Variants in SLC12A1 observed in about 807,000 individuals in gnomAD.
SLC12A1 encodes the protein solute carrier family 12 member 1.
Under a neutral mutation model 130.4 loss-of-function variants are expected in SLC12A1, and 89 were observed. The observed-to-expected ratio is 0.68, with a 90% CI of 0.58 to 0.81. The LOEUF is 0.81. Ranked by LOEUF, SLC12A1 falls within the 40% of genes least tolerant of loss-of-function variation. SLC12A1 has a pLI of 0.00. For missense variants in SLC12A1, 1,310 were observed against 1,336.4 expected (o/e 0.98, Z 0.31); for synonymous variants, 499 against 460.0 (o/e 1.08, Z -1.09).
At chr15:48,235,229 G>A in intron 9 of SLC12A1, 7 of 584,060 alleles carry the variant, frequency 1.2e-5, no homozygotes, top group Non-Finnish European at 1.8e-5. Context: ...CAGAAGAACA[G>A]GGTAGTGTGA....
intron 20 of SLC12A1, among the ~76,000 whole-genome samples, chr15:48,281,009 CA>C (rs1422815375): frequency 2.6e-5 from 4 of 152,092 alleles, no homozygotes; most frequent in Admixed American, 1.3e-4. Context: ...CCTGTTGGTG[CA>C]AACATGGGTC....
Position 48,234,927 on chromosome 15 carries a change from T to C in SLC12A1, c.1138T>C (p.Phe380Leu), listed in dbSNP as rs1750894750. 1 of 1,613,828 alleles carries C rather than the reference T, an allele frequency of 6.2e-7. No homozygotes were observed. The highest frequency in any genetic ancestry group is 1.3e-5 in the African/African-American group (1 of 75,026). Reference sequence around the variant, plus strand: ...GCCACGCTTCACAAAGGGTGAAGGCTTCTTCTCTGTCTTTGCCATTTTTTT... The same window carrying C: ...GCCACGCTTCACAAAGGGTGAAGGCCTCTTCTCTGTCTTTGCCATTTTTTT... ...FGPRFTKGEG[F>L]FSVFAIFFPA... Residue 380 changes from phenylalanine to leucine, a missense_variant, in exon 9 of 27, where the codon TTC becomes CTC. Coordinates refer to ENST00000380993, the MANE Select transcript of SLC12A1 (RefSeq NM_000338.3).
chr15:48,304,072 A>C lies in SLC12A1; in HGVS notation c.*1187A>C, dbSNP rs1220901916. 5 of 152,196 alleles carry C rather than the reference A, an allele frequency of 3.3e-5. No homozygotes were observed. The highest frequency in any genetic ancestry group is 9.7e-5 in the African/African-American group (4 of 41,448). The allele number at this position is 152,196 out of a possible 1,614,324, so 9.4% of individuals were successfully genotyped here. ...TATGAACCTGAAATAAAAGCACTCA[A>C]ATTCAATTGCTTTGGCCTAGGTCAT... On this transcript the variant is annotated 3_prime_UTR_variant, in exon 27 of 27. Coordinates refer to ENST00000380993, the MANE Select transcript of SLC12A1 (RefSeq NM_000338.3).
At chr15:48,234,323 A>G (rs1428084540) in intron 8 of SLC12A1, among the ~76,000 whole-genome samples, 2 of 152,176 alleles carry the variant, frequency 1.3e-5, no homozygotes, top group South Asian at 4.1e-4. Flanking sequence ...TTTTGGCACA[A>G]AAATTGATTT....
intron 20 of SLC12A1, among the ~76,000 whole-genome samples, chr15:48,277,331 TA>T (rs934668513): frequency 5.3e-5 from 8 of 150,818 alleles, no homozygotes; most frequent in South Asian, 2.1e-4. Context: ...TTTTAAAAAT[TA>T]AAAAAAAACC....
At chr15:48,244,529 A>C (rs2041555240) in intron 10 of SLC12A1, among the ~76,000 whole-genome samples, 1 of 152,144 alleles carries the variant, frequency 6.6e-6, no homozygotes, top group African/African-American at 2.4e-5. Flanking sequence ...GTCTCTTACC[A>C]CTCAAATCTA....
At chr15:48,239,538 A>ATAAG (rs1416796131) in intron 9 of SLC12A1, among the ~76,000 whole-genome samples, 1 of 151,422 alleles carries the variant, frequency 6.6e-6, no homozygotes, top group African/African-American at 2.4e-5. Context: ...AAATAAATAA[A>ATAAG]TAAATAAATA....
At position 48,244,775 on chromosome 15, in the gene SLC12A1, C is replaced by T. The variant is rs746998613; in HGVS notation, c.1323C>T (p.Ala441=). 2.5e-6 allele frequency: 4 copies of T among 1,613,896 alleles called. No homozygotes were observed. The highest frequency in any genetic ancestry group is 1.6e-4 in the Middle Eastern group (1 of 6,062). Residue 441 remains alanine (A), a synonymous_variant, in exon 11 of 27, where the codon GCC becomes GCT. Transcript: ENST00000380993. The part of the protein sequence containing the change: ...ICVGACVVRD[A]TGNMNDTIIS... ...CAGGGGCCTGTGTGGTCCGAGATGC[C>T]ACCGGGAACATGAATGACACCATCA...
At chr15:48,264,319 T>A (rs2141083036) in intron 17 of SLC12A1, among the ~76,000 whole-genome samples, 1 of 152,254 alleles carries the variant, frequency 6.6e-6, no homozygotes, top group South Asian at 2.1e-4. Flanking sequence ...AACCTAAGGC[T>A]CTCTTTGAAT....
At position 48,220,673 on chromosome 15, in the gene SLC12A1, A is replaced by G; in HGVS notation, c.460A>G (p.Asn154Asp). ...CCCAAGTTCAGCTGACAGAGTTGCT[A>G]ACGGTGATGGGATACCTGGAGATGA... ...VTPSSADRVA[N>D]GDGIPGDEQA... The change falls in exon 3 of 27, where the codon AAC becomes GAC. Residue 154 changes from asparagine to aspartate, a missense_variant. Coordinates refer to ENST00000380993, the MANE Select transcript of SLC12A1 (RefSeq NM_000338.3). 6.2e-7 allele frequency: 1 copy of G among 1,613,752 alleles called. No individual in the cohort carries two copies. Among genetic ancestry groups the G allele is most frequent in the East Asian group, 2.2e-5 (1 of 44,874 alleles).
intron 9 of SLC12A1, among the ~76,000 whole-genome samples, chr15:48,240,168 T>C (rs895926469): frequency 6.7e-6 from 1 of 149,288 alleles, no homozygotes; most frequent in Non-Finnish European, 1.5e-5. Context: ...TTTCTGTTCT[T>C]CCCACTGTCA....
Position 48,302,941 on chromosome 15 carries a change from G to A in SLC12A1, c.*56G>A. The A allele has an allele frequency of 7.5e-7, 1 of 1,328,614 alleles. No individual in the cohort carries two copies. Among genetic ancestry groups the A allele is most frequent in the Non-Finnish European group, 1.1e-6 (1 of 943,750 alleles). 82.3% of individuals were successfully genotyped at this position (1,328,614 alleles called of 1,614,324 possible). A position where few individuals can be genotyped will look rare whatever the true frequency, so the allele number is the denominator to read the frequency against. On this transcript the variant is annotated 3_prime_UTR_variant, in exon 27 of 27. Transcript: ENST00000380993. ...AATGTAATGCATAATTAAGAAACAT[G>A]TTCCAGTACTTTATGTTGTAAATCT... is the stretch of plus-strand genomic sequence containing the variant.
chr15:48,254,618 AAAAAAAAAAAAAC>A (rs1192012352), intron 15 of SLC12A1, among the ~76,000 whole-genome samples: 59 of 107,556 alleles, frequency 5.5e-4, no homozygotes, highest in African/African-American at 3.0e-3. Context: ...AAAAAAAAAA[AAAAAAAAAAAAAC>A]CCAAAAAAGA....
chr15:48,290,106 G>C (rs984316335), intron 23 of SLC12A1, among the ~76,000 whole-genome samples: 20 of 152,034 alleles, frequency 1.3e-4, no homozygotes, highest in Non-Finnish European at 2.5e-4. Context: ...TATTCTATAA[G>C]CATTTTTCTA....
At chr15:48,267,847 G>A (rs886765003) in intron 18 of SLC12A1, 146 bp downstream of exon 18, 9 of 802,532 alleles carry the variant, frequency 1.1e-5, no homozygotes, top group African/African-American at 1.7e-5. Context: ...TGAATTCCTG[G>A]GTATAGGCAA....
chr15:48,212,818 T>C (rs2041069486), intron 2 of SLC12A1, among the ~76,000 whole-genome samples: 1 of 151,930 alleles, frequency 6.6e-6, no homozygotes, highest in African/African-American at 2.4e-5. Flanking sequence ...TAGAAACTAA[T>C]CCAAAAAAAA....
chr15:48,232,487 T>C (rs1408286383), intron 7 of SLC12A1, among the ~76,000 whole-genome samples: 1 of 152,222 alleles, frequency 6.6e-6, no homozygotes, highest in African/African-American at 2.4e-5. Context: ...GTTACAGAAA[T>C]GTCACGTTCA....
At chr15:48,209,184 CCT>C in intron 2 of SLC12A1, among the ~76,000 whole-genome samples, 1 of 152,282 alleles carries the variant, frequency 6.6e-6, no homozygotes, top group African/African-American at 2.4e-5. Flanking sequence ...GCCTCAGCCC[CCT>C]GAGTAGCTGG....
intron 24 of SLC12A1, among the ~76,000 whole-genome samples, chr15:48,293,988 A>G (rs1380810718): frequency 1.3e-5 from 2 of 151,634 alleles, no homozygotes; most frequent in Non-Finnish European, 2.9e-5. Context: ...GCAGTGAGCC[A>G]TGATCACCCC....
Sources: gnomAD v4.1 joint callset for allele counts (sites outside exome capture counted in the v4.1 genomes callset) on GRCh38, gnomAD v4.1.1 for gene constraint, MANE v1.5 for transcripts, NCBI Gene and HGNC (gene_info 2026-07-23, HGNC 2026-07-21) for gene names.